ABCA12: variants seen among roughly 807,000 people sequenced by gnomAD.
The protein encoded by ABCA12 is glucosylceramide transporter ABCA12.
Under a neutral mutation model 293.5 loss-of-function variants are expected in ABCA12, and 156 were observed. That is an observed-to-expected ratio of 0.53 (90% CI 0.47 to 0.61). The LOEUF is 0.61. ABCA12 is among the 20% of genes least tolerant of loss of function. ABCA12 has a pLI of 0.00. For missense variants in ABCA12, 2,797 were observed against 3,090.2 expected, an observed-to-expected ratio of 0.91 and a Z score of 2.25; for synonymous variants, 1,063 against 1,108.0, an observed-to-expected ratio of 0.96 and a Z score of 0.81.
rs867819428 is a variant in ABCA12, at chr2:215,070,387, A to T, written c.164-6168T>A. ...AAAAAATCGTTCATCTTTTTTTTAA[A>T]TGTTTTTATTATTATTATACTTTAA... On this transcript the variant is annotated intron_variant, in intron 2 of 52. Coordinates refer to ENST00000272895, the MANE Select transcript of ABCA12 (RefSeq NM_173076.3). Among the ~76,000 whole-genome samples the T allele has an allele frequency of 5.3e-5, 8 of 151,824 alleles. No individual in the cohort carries two copies. The Middle Eastern group carries it at 0.017, about 323-fold the overall frequency.
chr2:215,001,917 T>G (rs1284699325), intron 20 of ABCA12, among the ~76,000 whole-genome samples, 180 bp from the exon 21 acceptor site: 1 of 152,222 alleles, frequency 6.6e-6, no homozygotes, highest in Non-Finnish European at 1.5e-5. Context: ...ATGCAAATAT[T>G]CATTGAGGAG....
intron 42 of ABCA12, 78 bp from the exon 43 acceptor site, chr2:214,955,439 T>C (rs1329943202): frequency 1.4e-6 from 2 of 1,464,406 alleles, no homozygotes; most frequent in African/African-American, 1.4e-5. Flanking sequence ...CCTAACACTT[T>C]AGGAGGCTGA....
chr2:214,953,205 G>A (rs763405979), intron 44 of ABCA12, among the ~76,000 whole-genome samples: 5 of 152,010 alleles, frequency 3.3e-5, no homozygotes, highest in Admixed American at 2.6e-4. Flanking sequence ...TTTTCTAATG[G>A]CTGTTTAATG....
At chr2:215,113,380 G>C (rs750133012) in intron 1 of ABCA12, among the ~76,000 whole-genome samples, 34 of 152,196 alleles carry the variant, frequency 2.2e-4, no homozygotes, top group Admixed American at 4.6e-4. Flanking sequence ...CACCCATAAA[G>C]ACTGAACAAC....
chr2:215,056,080 C>G (rs1701413961), intron 3 of ABCA12, among the ~76,000 whole-genome samples: 1 of 151,694 alleles, frequency 6.6e-6, no homozygotes, highest in Non-Finnish European at 1.5e-5. Flanking sequence ...AATTTAAGGA[C>G]TAGGGACAGC....
At chr2:215,031,791 C>A (rs1700883246) in intron 9 of ABCA12, 30 bp downstream of exon 9, 1 of 1,613,278 alleles carries the variant, frequency 6.2e-7, no homozygotes, top group African/African-American at 1.3e-5. Flanking sequence ...GCCAAGTTAT[C>A]TACCTATTTA....
chr2:215,077,134 C>G (rs1701850287), intron 2 of ABCA12, among the ~76,000 whole-genome samples: 1 of 152,076 alleles, frequency 6.6e-6, no homozygotes. Context: ...AATGATAACA[C>G]AAATAGATGC....
chr2:215,010,546 A>G (rs1026945734), intron 17 of ABCA12, 76 bp from the exon 18 acceptor site: 1 of 1,512,952 alleles, frequency 6.6e-7, no homozygotes, highest in African/African-American at 1.4e-5. Flanking sequence ...ATTGACAGAG[A>G]TTATTCTTAT....
chr2:215,135,741 G>A (rs974950844), intron 1 of ABCA12, among the ~76,000 whole-genome samples: 1 of 151,928 alleles, frequency 6.6e-6, no homozygotes, highest in Non-Finnish European at 1.5e-5. Flanking sequence ...TTTCTCTTTA[G>A]ACAATTTTTT....
rs144782701 is a variant in ABCA12 at position 215,106,907 on chromosome 2, C to T, written c.163+4690G>A. Among the ~76,000 whole-genome samples the T allele has an allele frequency of 1.1e-4, 17 of 152,230 alleles. No homozygotes were observed. The East Asian group carries it at 3.1e-3, about 28-fold the overall frequency. On this transcript the variant is annotated intron_variant, in intron 2 of 52. Transcript: ENST00000272895. The stretch of plus-strand genomic sequence containing the variant: ...GGCTGGCTCCTGCCTTCCACCAGCC[C>T]TGATTTTCACATGCAAGATGGGCTG...
intron 8 of ABCA12, 31 bp from the exon 9 acceptor site, chr2:215,031,927 T>G (rs771599280): frequency 1.2e-6 from 2 of 1,612,504 alleles, no homozygotes; most frequent in Non-Finnish European, 8.5e-7. Context: ...TAGGTAAACA[T>G]TTAACATGTT....
intron 23 of ABCA12, among the ~76,000 whole-genome samples, chr2:214,993,447 G>GA (rs1394169535): frequency 6.6e-6 from 1 of 152,084 alleles, no homozygotes; most frequent in African/African-American, 2.4e-5. Context: ...TACCCCATTT[G>GA]AAAAAATTAC....
At chr2:214,962,854 A>C (rs1699150365) in intron 39 of ABCA12, 1 of 152,178 alleles carries the variant, frequency 6.6e-6, no homozygotes, top group Admixed American at 6.5e-5. Flanking sequence ...AGAAATCAAG[A>C]AGTTCTTTGA....
chr2:215,082,414 G>A (rs969293746), intron 2 of ABCA12, among the ~76,000 whole-genome samples: 20 of 151,948 alleles, frequency 1.3e-4, no homozygotes, highest in African/African-American at 4.8e-4. Context: ...ACTCCCACCA[G>A]CCCTCAGCTG....
chr2:214,947,112 G>A (rs548369844), intron 48 of ABCA12, among the ~76,000 whole-genome samples: 108 of 152,212 alleles, frequency 7.1e-4, no homozygotes, highest in Non-Finnish European at 1.1e-3. Context: ...ACCATATTCC[G>A]TAACTTACTC....
intron 17 of ABCA12, among the ~76,000 whole-genome samples, chr2:215,010,671 C>G (rs1440547724): frequency 6.6e-6 from 1 of 151,920 alleles, no homozygotes; most frequent in African/African-American, 2.4e-5. Flanking sequence ...AAGTTTAACC[C>G]AATAAGCAAG....
At chr2:215,090,948 T>C (rs1056268812) in intron 2 of ABCA12, among the ~76,000 whole-genome samples, 2 of 152,122 alleles carry the variant, frequency 1.3e-5, no homozygotes, top group African/African-American at 2.4e-5. Flanking sequence ...TTGGCCCCAA[T>C]ACAAACTCGA....
intron 4 of ABCA12, 143 bp downstream of exon 4, chr2:215,054,430 A>G: frequency 1.4e-6 from 1 of 715,280 alleles, no homozygotes; most frequent in Non-Finnish European, 2.4e-6. Context: ...TACTCAGGCA[A>G]CCATGAGGAA....
rs984261656 is a variant in ABCA12, at chr2:215,004,072, A to G, written c.2683+137T>C. 24 of 688,814 alleles carry G rather than the reference A, an allele frequency of 3.5e-5. 1 individual carries two copies. The Admixed American group carries it at 4.2e-4, about 12-fold the overall frequency. 42.7% of individuals were successfully genotyped at this position (688,814 alleles called of 1,614,324 possible). A position where few individuals can be genotyped will look rare whatever the true frequency, so the allele number is the denominator to read the frequency against. On this transcript the variant is annotated intron_variant, in intron 20 of 52. Coordinates refer to ENST00000272895, the MANE Select transcript of ABCA12 (RefSeq NM_173076.3). The stretch of plus-strand genomic sequence containing the variant: ...GGAAGAAGATAGGGGGGATATATCC[A>G]GGGTCTCATTTTTCTTTGAGTAGCT...
Sources: allele counts gnomAD v4.1 joint callset (sites outside exome capture counted in the v4.1 genomes callset), GRCh38; gene constraint gnomAD v4.1.1; transcripts MANE v1.5; gene names NCBI Gene and HGNC (gene_info 2026-07-23, HGNC 2026-07-21).